Variants in ONECUT1 observed in about 807,000 individuals in gnomAD.
ONECUT1 encodes one cut homeobox 1, also known as hepatocyte nuclear factor 6.
In ONECUT1, 12 loss-of-function variants were observed where a neutral mutation model predicts 25.6. That is an observed-to-expected ratio of 0.47 (90% CI 0.30 to 0.76). The LOEUF is 0.76. ONECUT1 is among the 30% of genes least tolerant of loss of function. The pLI, the probability that ONECUT1 is intolerant of heterozygous loss-of-function variation, is 0.07. For missense variants in ONECUT1, 620 were observed against 651.2 expected (o/e 0.95, Z 0.52); for synonymous variants, 285 against 270.2 (o/e 1.05, Z -0.54).
In ONECUT1 at chr15:52,788,128, C is replaced by A. The variant is rs1184045789; in HGVS notation, c.1105+652G>T. 2.0e-5 allele frequency: 3 copies of A among 152,548 alleles called. No homozygotes were observed. The highest frequency in any genetic ancestry group is 7.2e-5 in the African/African-American group (3 of 41,470). The allele number at this position is 152,548 out of a possible 1,614,324, so 9.4% of individuals were successfully genotyped here. The stretch of plus-strand genomic sequence containing the variant: ...ACTGGGACCTTGGGACGGTCAGCCT[C>A]CCTCTCCTTTCCACAGCCAATTCCA... On this transcript the variant is annotated intron_variant, in intron 1 of 1. Transcript: ENST00000305901. This position sits in a 1 kb window ranked among gnomAD's most constrained non-coding sequence, Gnocchi z 4.3.
Position 52,773,718 on chromosome 15 carries a change from T to C in ONECUT1, c.1105+15062A>G, listed in dbSNP as rs148636834. On this transcript the variant is annotated intron_variant, in intron 1 of 1. Coordinates refer to ENST00000305901, the MANE Select transcript of ONECUT1 (RefSeq NM_004498.4). ...ATGATGCCAGAAAGTTAAAAAAAAA[T>C]GTAAGCATTGTCATAGGGACACAGG... 8.1e-3 allele frequency among the ~76,000 whole-genome samples: 1,235 copies of C among 151,922 alleles called. 11 individuals are homozygous for C. The highest frequency in any genetic ancestry group is 0.045 in the South Asian group (215 of 4,788).
intron 1 of ONECUT1, among the ~76,000 whole-genome samples, chr15:52,763,552 AG>A (rs1456943996): frequency 6.6e-6 from 1 of 152,204 alleles, no homozygotes; most frequent in Non-Finnish European, 1.5e-5. Flanking sequence ...TGTGAGGTCA[AG>A]TTGGTTTGGG....
At chr15:52,769,011 AAG>A (rs2083750646) in intron 1 of ONECUT1, among the ~76,000 whole-genome samples, 1 of 152,158 alleles carries the variant, frequency 6.6e-6, no homozygotes, top group Non-Finnish European at 1.5e-5. Flanking sequence ...CACTGCTCAG[AAG>A]TCATTCCTAG....
At chr15:52,787,536 C>T (rs1247255688) in intron 1 of ONECUT1, among the ~76,000 whole-genome samples, 1 of 151,642 alleles carries the variant, frequency 6.6e-6, no homozygotes, top group African/African-American at 2.4e-5. Flanking sequence ...TAATGGAGAA[C>T]GATCAGTTAA....
chr15:52,771,597 G>GTTTT (rs35410788), intron 1 of ONECUT1, among the ~76,000 whole-genome samples: 2 of 150,382 alleles, frequency 1.3e-5, no homozygotes, highest in African/African-American at 4.9e-5. Context: ...AGTAATGTCT[G>GTTTT]TTTTTTTTTA....
In ONECUT1 at chr15:52,756,250, G is replaced by T. The variant is rs2083672994; in HGVS notation, c.*1305C>A. Among the ~76,000 whole-genome samples, 1 of 152,136 alleles carries T rather than the reference G, an allele frequency of 6.6e-6. No individual in the cohort carries two copies. The highest frequency in any genetic ancestry group is 1.5e-5 in the Non-Finnish European group (1 of 68,038). The stretch of plus-strand genomic sequence containing the variant: ...ATAAGTTAATTTGATAACTTTTTAG[G>T]ATAGTTATAAGTACTGAATAGCTCA... On this transcript the variant is annotated 3_prime_UTR_variant, in exon 2 of 2. Coordinates refer to ENST00000305901, the MANE Select transcript of ONECUT1 (RefSeq NM_004498.4).
intron 1 of ONECUT1, among the ~76,000 whole-genome samples, chr15:52,782,698 T>C (rs2083849060): frequency 6.6e-6 from 1 of 152,216 alleles, no homozygotes; most frequent in Non-Finnish European, 1.5e-5. Flanking sequence ...CTACCCTAGG[T>C]TGGGGGCCAT....
chr15:52,786,239 A>G (rs142277201), intron 1 of ONECUT1, among the ~76,000 whole-genome samples: 3 of 152,380 alleles, frequency 2.0e-5, no homozygotes, highest in African/African-American at 7.2e-5. Flanking sequence ...GAAAATGTTA[A>G]TGAGATGGCT....
At position 52,788,687 on chromosome 15, in the gene ONECUT1, C is replaced by G; in HGVS notation, c.1105+93G>C. ...AGGGGTAGGGGCGGGCGGGATGAAG[C>G]GCACCCAGCCCTCTCTCCTACCCTT... On this transcript the variant is annotated intron_variant, in intron 1 of 1. Transcript: ENST00000305901. This position sits in a 1 kb window ranked among gnomAD's most constrained non-coding sequence, Gnocchi z 4.3. 2.9e-6 allele frequency: 4 copies of G among 1,369,986 alleles called. No homozygotes were observed. Among genetic ancestry groups the G allele is most frequent in the African/African-American group, 1.4e-5 (1 of 69,808 alleles). The allele number at this position is 1,369,986 out of a possible 1,614,324, so 84.9% of individuals were successfully genotyped here.
At chr15:52,775,959 T>C (rs1361926619) in intron 1 of ONECUT1, among the ~76,000 whole-genome samples, 1 of 152,218 alleles carries the variant, frequency 6.6e-6, no homozygotes, top group African/African-American at 2.4e-5. Flanking sequence ...CTTTTGTTTC[T>C]CTAACAGCAG....
Position 52,788,604 on chromosome 15 carries a change from G to C in ONECUT1, c.1105+176C>G, listed in dbSNP as rs1421300258. 7.4e-6 allele frequency: 5 copies of C among 675,538 alleles called. No individual in the cohort carries two copies. The highest frequency in any genetic ancestry group is 7.3e-6 in the Non-Finnish European group (3 of 408,290). The allele number at this position is 675,538 out of a possible 1,614,324, so 41.8% of individuals were successfully genotyped here. On this transcript the variant is annotated intron_variant, in intron 1 of 1. Transcript: ENST00000305901. The surrounding 1 kb of genome is among the most constrained non-coding windows in gnomAD (Gnocchi z 4.3). ...GCCCAACACCCTGAGCCCTGGAGTA[G>C]GCAATTTGCTCCCACAGCCCTGTGC... is the stretch of plus-strand genomic sequence containing the variant.
intron 1 of ONECUT1, among the ~76,000 whole-genome samples, chr15:52,783,755 T>C (rs2083856242): frequency 1.3e-5 from 2 of 152,334 alleles, no homozygotes; most frequent in South Asian, 4.1e-4. Context: ...ACCCCGCTTT[T>C]CTTAAATGAA....
intron 1 of ONECUT1, among the ~76,000 whole-genome samples, chr15:52,785,404 GA>G (rs1431789337): frequency 2.0e-5 from 3 of 152,140 alleles, no homozygotes; most frequent in African/African-American, 7.2e-5. Flanking sequence ...CACCGGACGG[GA>G]AGGGGGCGCC....
Position 52,789,480 on chromosome 15 carries a change from C to T in ONECUT1, c.405G>A (p.Pro135=), listed in dbSNP as rs146677141. 2.0e-3 allele frequency: 3,212 copies of T among 1,612,562 alleles called. 6 individuals are homozygous for T. Among genetic ancestry groups the T allele is most frequent in the Non-Finnish European group, 2.6e-3 (3,010 of 1,179,426 alleles). The change falls in exon 1 of 2, where the codon CCG becomes CCA. Residue 135 remains proline, a synonymous_variant. Transcript: ENST00000305901. This position sits in a 1 kb window ranked among gnomAD's most constrained non-coding sequence, Gnocchi z 4.1. ...TGCCCGCCAGGCGCTGGTGGTGGTG[C>T]GGGTGGTGGTGGTGATGGTGGTGGT... ...HHHHHHHHHH[P]HHHQRLAGNV... is the part of the protein sequence containing the mutation.
At chr15:52,770,438 G>C (rs1217723757) in intron 1 of ONECUT1, among the ~76,000 whole-genome samples, 1 of 152,226 alleles carries the variant, frequency 6.6e-6, no homozygotes, top group Non-Finnish European at 1.5e-5. Flanking sequence ...CGGCAAGCCA[G>C]GGTAGACTCT....
At position 52,789,701 on chromosome 15, in the gene ONECUT1, C is replaced by A. The variant is rs201056913; in HGVS notation, c.184G>T (p.Gly62Cys). 3 of 1,486,664 alleles carry A rather than the reference C, an allele frequency of 2.0e-6. No individual in the cohort carries two copies. The highest frequency in any genetic ancestry group is 2.5e-5 in the East Asian group (1 of 39,726). The allele number at this position is 1,486,664 out of a possible 1,614,324, so 92.1% of individuals were successfully genotyped here. A position where few individuals can be genotyped will look rare whatever the true frequency, so the allele number is the denominator to read the frequency against. Residue 62 changes from glycine (G) to cysteine (C), a missense_variant, in exon 1 of 2, where the codon GGC becomes TGC. Physicochemically the swap from Gly to Cys is radical, Grantham distance 159. Transcript: ENST00000305901. The surrounding 1 kb of genome is among the most constrained non-coding windows in gnomAD (Gnocchi z 4.1). ...SMGMASLLDG[G>C]SGGGDYHHHH... is the part of the protein sequence containing the mutation. ...TGGTGGTAATCTCCGCCGCCGCTGCCGCCGTCCAGCAGGGACGCCATGCCC... is the reference window on the plus strand; with the variant it reads ...TGGTGGTAATCTCCGCCGCCGCTGCAGCCGTCCAGCAGGGACGCCATGCCC...
chr15:52,769,642 A>G (rs1213773558), intron 1 of ONECUT1, among the ~76,000 whole-genome samples: 1 of 152,178 alleles, frequency 6.6e-6, no homozygotes, highest in Non-Finnish European at 1.5e-5. Flanking sequence ...ACAGGTAAGG[A>G]GCAGACTAGA....
chr15:52,779,447 C>A (rs920041092), intron 1 of ONECUT1, among the ~76,000 whole-genome samples: 1 of 152,110 alleles, frequency 6.6e-6, no homozygotes, highest in Non-Finnish European at 1.5e-5. Flanking sequence ...TGATAACTTT[C>A]ATTTCTTTGG....
Position 52,777,725 on chromosome 15 carries a change from CACACACACACACAA to C in ONECUT1, c.1105+11041_1105+11054del, listed in dbSNP as rs1294363001. On this transcript the variant is annotated intron_variant, in intron 1 of 1. Transcript: ENST00000305901. ...ACACACACACACACACACACACACA[CACACACACACACAA>C]AAAAACATGTAAAGTTATTTGTTCT... Among the ~76,000 whole-genome samples, 10 of 99,434 alleles carry C rather than the reference CACACACACACACAA, an allele frequency of 1.0e-4. 1 individual carries two copies. The highest frequency in any genetic ancestry group is 7.3e-4 in the African/African-American group (9 of 12,292). The allele number at this position is 99,434 out of a possible 152,430, so 65.2% of individuals were successfully genotyped here. A position where few individuals can be genotyped will look rare whatever the true frequency, so the allele number is the denominator to read the frequency against.
Sources: allele counts gnomAD v4.1 joint callset (sites outside exome capture counted in the v4.1 genomes callset), GRCh38; gene constraint gnomAD v4.1.1; non-coding constraint Gnocchi (gnomAD v3.1); transcripts MANE v1.5; gene names NCBI Gene and HGNC (gene_info 2026-07-23, HGNC 2026-07-21).